Variants in GRIP1 observed in about 807,000 individuals in gnomAD.
GRIP1 encodes the protein glutamate receptor-interacting protein 1.
GRIP1 carries 45 observed loss-of-function variants against 129.9 expected under a neutral mutation model. The ratio of observed to expected loss-of-function variants is 0.35; its 90% CI spans 0.27 to 0.44. GRIP1 has a LOEUF of 0.44. Ranked by LOEUF, GRIP1 falls within the 20% of genes least tolerant of loss-of-function variation. The pLI, the probability that GRIP1 is intolerant of heterozygous loss-of-function variation, is 1.00. For missense variants in GRIP1, 1,196 were observed against 1,396.8 expected, an observed-to-expected ratio of 0.86 and a Z score of 2.29; for synonymous variants, 530 against 520.8, an observed-to-expected ratio of 1.02 and a Z score of -0.24.
chr12:66,369,106 GA>G (rs1451940181), intron 23 of GRIP1, among the ~76,000 whole-genome samples: 1 of 151,622 alleles, frequency 6.6e-6, no homozygotes, highest in Non-Finnish European at 1.5e-5. Context: ...GATCAATTCA[GA>G]AAAAAAAGTG....
At chr12:66,376,168 T>C (rs1170563287) in intron 22 of GRIP1, among the ~76,000 whole-genome samples, 1 of 152,254 alleles carries the variant, frequency 6.6e-6, no homozygotes, top group African/African-American at 2.4e-5. Flanking sequence ...CTATGATGTT[T>C]ACAAGTTCAA....
intron 1 of GRIP1, among the ~76,000 whole-genome samples, chr12:66,880,194 G>A (rs910228768): frequency 1.2e-4 from 18 of 150,824 alleles, no homozygotes; most frequent in African/African-American, 4.1e-4. Context: ...GCAAAGGACC[G>A]ATGTGTTTAA....
At chr12:66,876,733 T>C (rs1036561452) in intron 1 of GRIP1, among the ~76,000 whole-genome samples, 4 of 152,044 alleles carry the variant, frequency 2.6e-5, no homozygotes, top group African/African-American at 9.7e-5. Flanking sequence ...TGTGTCCATT[T>C]ATGGGAAGGC....
chr12:66,536,490 C>T (rs886957900), intron 4 of GRIP1, among the ~76,000 whole-genome samples: 2 of 152,114 alleles, frequency 1.3e-5, no homozygotes, highest in Admixed American at 1.3e-4. Context: ...ATATTCCTGG[C>T]TTTTGGTCTT....
At chr12:66,994,114 C>T (rs575630496) in intron 1 of GRIP1, among the ~76,000 whole-genome samples, 1 of 151,786 alleles carries the variant, frequency 6.6e-6, no homozygotes, top group African/African-American at 2.4e-5. Flanking sequence ...CACAAACTTT[C>T]ACAAAGAATA....
At chr12:66,358,194 C>T (rs934389838) in intron 23 of GRIP1, among the ~76,000 whole-genome samples, 4 of 152,208 alleles carry the variant, frequency 2.6e-5, no homozygotes, top group African/African-American at 9.6e-5. Flanking sequence ...CACGCCCAGC[C>T]TATTCAACGC....
chr12:67,063,002 C>T (rs2043560766), intron 1 of GRIP1, among the ~76,000 whole-genome samples: 1 of 152,150 alleles, frequency 6.6e-6, no homozygotes, highest in Non-Finnish European at 1.5e-5. Flanking sequence ...TGGTAGTTGC[C>T]ATTACTGAAC....
At chr12:66,808,114 GC>G (rs796203585), upstream of GRIP1, among the ~76,000 whole-genome samples, 2 of 152,048 alleles carry the variant, frequency 1.3e-5, no homozygotes, top group African/African-American at 4.8e-5. Context: ...AGAGAGAATG[GC>G]CCTTTCACTC....
intron 22 of GRIP1, among the ~76,000 whole-genome samples, chr12:66,375,742 G>C (rs984768433): frequency 2.6e-5 from 4 of 152,168 alleles, no homozygotes; most frequent in Admixed American, 6.5e-5. Flanking sequence ...GTTTTCATCA[G>C]ATAACTCAAT....
chr12:66,385,648 C>T (rs921092349), intron 19 of GRIP1, among the ~76,000 whole-genome samples: 8 of 152,070 alleles, frequency 5.3e-5, no homozygotes, highest in East Asian at 3.9e-4. Context: ...CTCACTCTAT[C>T]GCCCAGGCTG....
At chr12:66,470,068 TCAC>T (rs1435258386) in intron 7 of GRIP1, among the ~76,000 whole-genome samples, 10 of 152,182 alleles carry the variant, frequency 6.6e-5, no homozygotes, top group Admixed American at 2.6e-4. Flanking sequence ...ATCTCCATGA[TCAC>T]CACCTTAGCC....
chr12:66,474,970 A>G (rs2059559752), intron 7 of GRIP1, among the ~76,000 whole-genome samples: 1 of 152,064 alleles, frequency 6.6e-6, no homozygotes, highest in Non-Finnish European at 1.5e-5. Context: ...CCAAATTCAC[A>G]CATAACAATA....
intron 13 of GRIP1, among the ~76,000 whole-genome samples, chr12:66,442,741 T>G (rs972017427): frequency 2.0e-5 from 3 of 151,980 alleles, no homozygotes; most frequent in Admixed American, 6.6e-5. Flanking sequence ...TCTCCCTGTT[T>G]CCCAGGCTGG....
At chr12:66,813,981 G>C (rs899954015) in intron 1 of GRIP1, among the ~76,000 whole-genome samples, 2 of 152,160 alleles carry the variant, frequency 1.3e-5, no homozygotes, top group African/African-American at 4.8e-5. Context: ...CTTTTGGTGT[G>C]AATAACTGGA....
At chr12:66,591,211 G>A (rs1174163610) in intron 2 of GRIP1, among the ~76,000 whole-genome samples, 1 of 152,120 alleles carries the variant, frequency 6.6e-6, no homozygotes, top group Non-Finnish European at 1.5e-5. Flanking sequence ...CAGAATCTCA[G>A]GTATATTTGC....
At chr12:66,454,740 A>C (rs2058904697) in intron 11 of GRIP1, among the ~76,000 whole-genome samples, 1 of 152,172 alleles carries the variant, frequency 6.6e-6, no homozygotes, top group South Asian at 2.1e-4. Context: ...CCTAGACTTT[A>C]GGATGCTTAT....
At chr12:66,510,453 T>A (rs558132657) in intron 7 of GRIP1, among the ~76,000 whole-genome samples, 1 of 152,298 alleles carries the variant, frequency 6.6e-6, no homozygotes, top group East Asian at 1.9e-4. Flanking sequence ...TGCTCTGACC[T>A]GTGTACTGAA....
intron 1 of GRIP1, among the ~76,000 whole-genome samples, chr12:66,863,559 G>T (rs1172970582): frequency 1.3e-5 from 2 of 151,986 alleles, no homozygotes; most frequent in Non-Finnish European, 2.9e-5. Flanking sequence ...TGCATTCCTA[G>T]CAGAGAAGCA....
At chr12:66,358,873 A>T (rs2054615123) in intron 23 of GRIP1, among the ~76,000 whole-genome samples, 1 of 152,178 alleles carries the variant, frequency 6.6e-6, no homozygotes. Context: ...TTGGTAATAG[A>T]TTGACATTCT....
Sources: gnomAD v4.1 joint callset for allele counts (sites outside exome capture counted in the v4.1 genomes callset) on GRCh38, gnomAD v4.1.1 for gene constraint, MANE v1.5 for transcripts, NCBI Gene and HGNC (gene_info 2026-07-23, HGNC 2026-07-21) for gene names.